DHTKD1: variants seen among roughly 807,000 people sequenced by gnomAD.
DHTKD1 encodes dehydrogenase E1 and transketolase domain containing 1, also known as 2-oxoadipate dehydrogenase complex component E1.
In DHTKD1, 78 loss-of-function variants were observed where a neutral mutation model predicts 101.8. The ratio of observed to expected loss-of-function variants is 0.77; its 90% CI spans 0.64 to 0.93. The LOEUF is 0.93. Among genes scored for constraint, DHTKD1 ranks in the 40% least tolerant of loss-of-function variants. The probability of loss-of-function intolerance (pLI) is 0.00; values close to 1 mark genes in which losing one functional copy is unlikely to be tolerated. For missense variants in DHTKD1, 1,223 were observed against 1,161.7 expected (o/e 1.05, Z -0.77); for synonymous variants, 462 against 450.3 (o/e 1.03, Z -0.33).
chr10:12,076,476 A>C (rs1307619979), intron 1 of DHTKD1, among the ~76,000 whole-genome samples: 1 of 146,226 alleles, frequency 6.8e-6, no homozygotes, highest in East Asian at 2.0e-4. Context: ...ACTCTGTCTC[A>C]AAAAAAAAGA....
intron 13 of DHTKD1, chr10:12,116,385 G>T (rs1294918167): frequency 2.0e-5 from 3 of 151,940 alleles, no homozygotes; most frequent in African/African-American, 7.3e-5. Context: ...AGCACAGAAG[G>T]CAATCTTTTT....
At chr10:12,082,515 C>T (rs1832834515) in intron 2 of DHTKD1, among the ~76,000 whole-genome samples, 1 of 152,086 alleles carries the variant, frequency 6.6e-6, no homozygotes, top group Non-Finnish European at 1.5e-5. Context: ...TAAACTACCC[C>T]AAGACGTAAT....
chr10:12,084,706 C>T lies in DHTKD1; in HGVS notation c.477C>T (p.Thr159=), dbSNP rs1832872897. Residue 159 remains threonine (T), a synonymous_variant, in exon 3 of 17, where the codon ACC becomes ACT. Transcript: ENST00000263035. ...RFEELQKETF[T]TEERKHLSKL... ...AGGAACTGCAAAAGGAGACGTTTAC[C>T]ACAGAAGAGCGAAAACATCTGTCGA... The T allele has an allele frequency of 1.9e-6, 3 of 1,613,952 alleles. No individual in the cohort carries two copies. The highest frequency in any genetic ancestry group is 2.5e-6 in the Non-Finnish European group (3 of 1,180,030).
chr10:12,106,304 T>C lies in DHTKD1; in HGVS notation c.1955T>C (p.Ile652Thr), dbSNP rs1375785592. 4 of 1,614,030 alleles carry C rather than the reference T, an allele frequency of 2.5e-6. No individual in the cohort carries two copies. The highest frequency in any genetic ancestry group is 1.3e-5 in the African/African-American group (1 of 74,922). ...CTGGGATTTGAATATGGGATGAGCA[T>C]TGAGAGCCCAAAGTTACTGCCCCTG... ...AVLGFEYGMS[I>T]ESPKLLPLWE... The change falls in exon 11 of 17, where the codon ATT (isoleucine) becomes ACT (threonine). Residue 652 changes from isoleucine to threonine, a missense_variant. Coordinates refer to ENST00000263035, the MANE Select transcript of DHTKD1 (RefSeq NM_018706.7).
At chr10:12,073,576 G>C (rs1041443660) in intron 1 of DHTKD1, among the ~76,000 whole-genome samples, 4 of 152,146 alleles carry the variant, frequency 2.6e-5, no homozygotes, top group African/African-American at 4.8e-5. Flanking sequence ...GAACTCCGGA[G>C]CTCAAGCCAT....
Position 12,101,022 on chromosome 10 carries a change from T to C in DHTKD1, c.1757-20T>C, listed in dbSNP as rs555890819. On this transcript the variant is annotated intron_variant, in intron 9 of 16. Coordinates refer to ENST00000263035, the MANE Select transcript of DHTKD1 (RefSeq NM_018706.7). ...AGGTTATTTATGGGAATCTGACTTT[T>C]TTTTTCTTGCTTGCTTAAGGTTTTA... 1.9e-6 allele frequency: 3 copies of C among 1,612,690 alleles called. No homozygotes were observed. The African/African-American group carries it at 4.0e-5, about 22-fold the overall frequency.
intron 7 of DHTKD1, among the ~76,000 whole-genome samples, chr10:12,096,440 C>A (rs1056035654): frequency 6.6e-6 from 1 of 152,052 alleles, no homozygotes; most frequent in African/African-American, 2.4e-5. Flanking sequence ...GGCTGTAGTG[C>A]AGTGGTATGA....
At chr10:12,101,238 A>C in intron 10 of DHTKD1, 57 bp downstream of exon 10, 1 of 1,563,850 alleles carries the variant, frequency 6.4e-7, no homozygotes, top group East Asian at 2.3e-5. Context: ...CACTTCCAGG[A>C]TTCTTAGAAC....
At chr10:12,119,175 G>A (rs887916579) in intron 15 of DHTKD1, among the ~76,000 whole-genome samples, 29 of 149,960 alleles carry the variant, frequency 1.9e-4, no homozygotes, top group South Asian at 2.1e-4. Context: ...GCGTGGTGGC[G>A]GGCGCCTGTA....
intron 2 of DHTKD1, among the ~76,000 whole-genome samples, chr10:12,083,177 A>T (rs1473140958): frequency 1.3e-5 from 2 of 151,632 alleles, no homozygotes; most frequent in African/African-American, 4.8e-5. Flanking sequence ...AAAAGAAACC[A>T]TAGGCCAGAG....
Position 12,123,172 on chromosome 10 carries a change from T to G in DHTKD1, c.*2284T>G, listed in dbSNP as rs1298633982. ...TTTAATGAAAACGATTTACCAATGTTGTTTTTTTTTAACAAGAAAAAAAAT... is the reference window on the plus strand; with the variant it reads ...TTTAATGAAAACGATTTACCAATGTGGTTTTTTTTTAACAAGAAAAAAAAT... On this transcript the variant is annotated 3_prime_UTR_variant, in exon 17 of 17. Coordinates refer to ENST00000263035, the MANE Select transcript of DHTKD1 (RefSeq NM_018706.7). 2 of 152,198 alleles carry G rather than the reference T, an allele frequency of 1.3e-5. No homozygotes were observed. Among genetic ancestry groups the G allele is most frequent in the East Asian group, 3.8e-4 (2 of 5,204 alleles). 9.4% of individuals were successfully genotyped at this position (152,198 alleles called of 1,614,324 possible).
chr10:12,081,466 A>C lies in DHTKD1; in HGVS notation c.155-6A>C. 1 of 1,613,756 alleles carries C rather than the reference A, an allele frequency of 6.2e-7. No homozygotes were observed. Among genetic ancestry groups the C allele is most frequent in the Non-Finnish European group, 8.5e-7 (1 of 1,179,752 alleles). ...GTTTGCATTTTTAAATTTTCCCCTG[A>C]TTTAGTTGATCATGGCCTTGCCAGG... On this transcript the variant is annotated splice_region_variant and splice_polypyrimidine_tract_variant and intron_variant, in intron 1 of 16. Transcript: ENST00000263035.
chr10:12,095,030 A>T lies in DHTKD1; in HGVS notation c.1358+759A>T, dbSNP rs1256889717. Reference sequence around the variant, plus strand: ...CAGATGGGAAGATTGAAGCAGGGGGAATTAAGCAAACCTCGCCCAAATCTA... The same window carrying T: ...CAGATGGGAAGATTGAAGCAGGGGGTATTAAGCAAACCTCGCCCAAATCTA... On this transcript the variant is annotated intron_variant, in intron 7 of 16. Transcript: ENST00000263035. Among the ~76,000 whole-genome samples, 4 of 152,212 alleles carry T rather than the reference A, an allele frequency of 2.6e-5. No homozygotes were observed. The South Asian group carries it at 8.3e-4, about 31-fold the overall frequency.
At chr10:12,071,807 C>T (rs926333983) in intron 1 of DHTKD1, among the ~76,000 whole-genome samples, 4 of 152,090 alleles carry the variant, frequency 2.6e-5, no homozygotes. Flanking sequence ...GGATTATAGG[C>T]GCGAGCCACC....
Position 12,099,041 on chromosome 10 carries a change from A to G in DHTKD1, c.1671+1045A>G, listed in dbSNP as rs544104412. On this transcript the variant is annotated intron_variant, in intron 8 of 16. Coordinates refer to ENST00000263035, the MANE Select transcript of DHTKD1 (RefSeq NM_018706.7). Reference sequence around the variant, plus strand: ...AAAAATTTGCCTGGCATGGTGGCGCATGCCTGTAGTCTCAGCTCCTCAGGA... The same window carrying G: ...AAAAATTTGCCTGGCATGGTGGCGCGTGCCTGTAGTCTCAGCTCCTCAGGA... 7.9e-5 allele frequency among the ~76,000 whole-genome samples: 12 copies of G among 152,132 alleles called. No homozygotes were observed. The South Asian group carries it at 2.3e-3, about 29-fold the overall frequency.
At chr10:12,093,495 C>T (rs1032070886) in intron 6 of DHTKD1, among the ~76,000 whole-genome samples, 12 of 152,130 alleles carry the variant, frequency 7.9e-5, no homozygotes, top group Non-Finnish European at 1.3e-4. Context: ...AATTGGTCAT[C>T]TTAAGATAAA....
At chr10:12,094,381 G>A (rs554388620) in intron 7 of DHTKD1, 110 bp downstream of exon 7, 13 of 978,056 alleles carry the variant, frequency 1.3e-5, no homozygotes, top group Admixed American at 1.0e-4. Flanking sequence ...GCAGTAGCAC[G>A]ATCTTGGCTC....
chr10:12,069,551 C>T (rs1329146391), intron 1 of DHTKD1, among the ~76,000 whole-genome samples: 1 of 116,508 alleles, frequency 8.6e-6, no homozygotes, highest in African/African-American at 3.2e-5. Flanking sequence ...GAGACGGAGT[C>T]TCGCTCTGTG....
At chr10:12,079,690 A>C (rs538057157) in intron 1 of DHTKD1, among the ~76,000 whole-genome samples, 29 of 152,224 alleles carry the variant, frequency 1.9e-4, no homozygotes, top group Admixed American at 4.6e-4. Flanking sequence ...AAAAAATAAA[A>C]GGTGAGAGTG....
Sources: allele counts gnomAD v4.1 joint callset (sites outside exome capture counted in the v4.1 genomes callset), GRCh38; gene constraint gnomAD v4.1.1; transcripts MANE v1.5; gene names NCBI Gene and HGNC (gene_info 2026-07-23, HGNC 2026-07-21).